The following BARD1 variants were observed in gnomAD, a reference collection of about 807,000 sequenced individuals.
The protein encoded by BARD1 is BRCA1-associated RING domain protein 1.
A neutral mutation model predicts 77.0 loss-of-function variants in BARD1; 73 were observed. The ratio of observed to expected loss-of-function variants is 0.95; its 90% CI spans 0.79 to 1.15. BARD1 has a LOEUF of 1.15. Ranked by LOEUF, BARD1 falls within the 50% of genes most tolerant of loss-of-function variation. The pLI is 0.00. For missense variants in BARD1, 993 were observed against 938.8 expected (o/e 1.06, Z -0.75); for synonymous variants, 384 against 338.0 (o/e 1.14, Z -1.49).
At chr2:214,745,951 A>G in intron 7 of BARD1, 97 bp from the exon 8 acceptor site, 2 of 1,349,958 alleles carry the variant, frequency 1.5e-6, no homozygotes, top group East Asian at 2.3e-5. Flanking sequence ...GAATTTCATT[A>G]CTTAGTTTAC....
At chr2:214,772,483 A>G (rs1000891113) in intron 4 of BARD1, among the ~76,000 whole-genome samples, 1 of 152,210 alleles carries the variant, frequency 6.6e-6, no homozygotes, top group Non-Finnish European at 1.5e-5. Flanking sequence ...TTAAAAAATA[A>G]TATAAACACA....
At chr2:214,768,781 T>C (rs752056815) in intron 5 of BARD1, among the ~76,000 whole-genome samples, 1 of 152,254 alleles carries the variant, frequency 6.6e-6, no homozygotes, top group Non-Finnish European at 1.5e-5. Flanking sequence ...CAAAGATTTC[T>C]ACTGCCTTAT....
At chr2:214,743,850 G>A (rs1444009752) in intron 9 of BARD1, among the ~76,000 whole-genome samples, 1 of 152,094 alleles carries the variant, frequency 6.6e-6, no homozygotes, top group Non-Finnish European at 1.5e-5. Context: ...ATGAGCTACC[G>A]TGCCTGGCCT....
intron 9 of BARD1, among the ~76,000 whole-genome samples, chr2:214,742,907 G>A (rs987974897): frequency 2.6e-5 from 4 of 152,184 alleles, no homozygotes; most frequent in African/African-American, 9.6e-5. Context: ...TCTGGCACAG[G>A]TTTGATACAA....
intron 6 of BARD1, 33 bp from the exon 7 acceptor site, chr2:214,752,588 G>A (rs757393887): frequency 6.6e-7 from 1 of 1,512,592 alleles, no homozygotes; most frequent in Non-Finnish European, 9.2e-7. Context: ...GTTTAAGTAA[G>A]TCAAATGTGT....
At chr2:214,766,344 C>T (rs1340731973) in intron 6 of BARD1, among the ~76,000 whole-genome samples, 1 of 152,018 alleles carries the variant, frequency 6.6e-6, no homozygotes, top group Admixed American at 6.6e-5. Context: ...ATATGCTTTA[C>T]CTGTTGTAAT....
rs187951485 is a variant in BARD1, at chr2:214,761,496, C to A, written c.1568+5986G>T. Among the ~76,000 whole-genome samples, 4 of 152,078 alleles carry A rather than the reference C, an allele frequency of 2.6e-5. No homozygotes were observed. The East Asian group carries it at 5.8e-4, about 22-fold the overall frequency. On this transcript the variant is annotated intron_variant, in intron 6 of 10. Transcript: ENST00000260947. ...CCAAGTCAAGGTTATCCCAGGAATA[C>A]AAGCATTATTTAATATTTTTAAATG... is the stretch of plus-strand genomic sequence containing the variant.
intron 1 of BARD1, among the ~76,000 whole-genome samples, chr2:214,809,117 G>C (rs568339454): frequency 3.3e-5 from 5 of 152,184 alleles, no homozygotes; most frequent in African/African-American, 4.8e-5. Context: ...AGGCGCGACC[G>C]GGATGAACAT....
At chr2:214,752,991 C>A (rs1039973657) in intron 6 of BARD1, among the ~76,000 whole-genome samples, 1 of 152,078 alleles carries the variant, frequency 6.6e-6, no homozygotes, top group Non-Finnish European at 1.5e-5. Context: ...TGCCACATAA[C>A]AAACAGTTTA....
chr2:214,775,519 TACA>T (rs1694699422), intron 4 of BARD1, among the ~76,000 whole-genome samples: 3 of 152,124 alleles, frequency 2.0e-5, no homozygotes, highest in African/African-American at 4.8e-5. Context: ...CCGTAACAGA[TACA>T]ACAATAGTGA....
chr2:214,787,643 T>G (rs1230877523), intron 3 of BARD1, among the ~76,000 whole-genome samples: 1 of 151,982 alleles, frequency 6.6e-6, no homozygotes, highest in Non-Finnish European at 1.5e-5. Context: ...TCCTTAATGA[T>G]AATATTTAAA....
intron 9 of BARD1, among the ~76,000 whole-genome samples, chr2:214,732,228 G>A (rs986764901): frequency 4.6e-5 from 7 of 152,040 alleles, no homozygotes; most frequent in South Asian, 2.1e-4. Flanking sequence ...ACCACTACTC[G>A]GCATGTAAAC....
At chr2:214,806,250 G>C (rs1696263303) in intron 1 of BARD1, among the ~76,000 whole-genome samples, 1 of 152,188 alleles carries the variant, frequency 6.6e-6, no homozygotes, top group Admixed American at 6.5e-5. Context: ...TGCAACACAA[G>C]GCAGATGTCA....
chr2:214,773,000 T>C (rs115545208), intron 4 of BARD1, among the ~76,000 whole-genome samples: 2,807 of 152,298 alleles, frequency 0.018, 79 homozygotes, highest in African/African-American at 0.061. Context: ...CCAAGGCTTA[T>C]TAAAAATTTT....
chr2:214,775,872 G>A (rs565860535), intron 4 of BARD1, among the ~76,000 whole-genome samples: 49 of 152,252 alleles, frequency 3.2e-4, no homozygotes, highest in African/African-American at 1.0e-3. Context: ...ATATGCCAAG[G>A]CTGCTTTTGT....
At chr2:214,789,950 C>G (rs747001425) in intron 3 of BARD1, among the ~76,000 whole-genome samples, 10 of 152,112 alleles carry the variant, frequency 6.6e-5, no homozygotes, top group Non-Finnish European at 7.4e-5. Flanking sequence ...GTAGAATTAT[C>G]TCTCCAATCT....
intron 3 of BARD1, among the ~76,000 whole-genome samples, chr2:214,790,114 T>C (rs918737935): frequency 6.6e-6 from 1 of 152,132 alleles, no homozygotes; most frequent in African/African-American, 2.4e-5. Context: ...CATCACTAGC[T>C]AGAATAAAAT....
At chr2:214,746,508 C>G (rs73082594) in intron 7 of BARD1, among the ~76,000 whole-genome samples, 1 of 151,452 alleles carries the variant, frequency 6.6e-6, no homozygotes, top group Non-Finnish European at 1.5e-5. Context: ...TCACAGAAGA[C>G]AAAAAAGACA....
intron 9 of BARD1, among the ~76,000 whole-genome samples, chr2:214,743,857 G>C (rs1692966666): frequency 6.6e-6 from 1 of 152,136 alleles, no homozygotes; most frequent in African/African-American, 2.4e-5. Context: ...ACCGTGCCTG[G>C]CCTGATTTCA....
Sources: gnomAD v4.1 joint callset for allele counts (sites outside exome capture counted in the v4.1 genomes callset) on GRCh38, gnomAD v4.1.1 for gene constraint, MANE v1.5 for transcripts, NCBI Gene and HGNC (gene_info 2026-07-23, HGNC 2026-07-21) for gene names.